CD109: variants seen among roughly 807,000 people sequenced by gnomAD.
The protein encoded by CD109 is CD109 antigen.
Under a neutral mutation model 165.8 loss-of-function variants are expected in CD109, and 149 were observed. That is an observed-to-expected ratio of 0.90 (90% CI 0.79 to 1.03). The LOEUF (loss-of-function observed/expected upper bound fraction) is 1.03. Among genes scored for constraint, CD109 ranks in the 50% least tolerant of loss-of-function variants. The pLI is 0.00. For missense variants in CD109, 1,712 were observed against 1,677.8 expected (o/e 1.02, Z -0.36); for synonymous variants, 585 against 592.1 (o/e 0.99, Z 0.18).
the CD109 span, among the ~76,000 whole-genome samples, chr6:73,679,628 G>T: frequency 4.5e-4 from 68 of 149,518 alleles, no homozygotes; most frequent in Admixed American, 2.1e-3. Flanking sequence ...TTTCTTTTCT[G>T]TTTTTTTTTG....
intron 7 of CD109, among the ~76,000 whole-genome samples, chr6:73,759,942 T>A (rs1275606053): frequency 6.6e-6 from 1 of 152,162 alleles, no homozygotes; most frequent in South Asian, 2.1e-4. Flanking sequence ...ATTTTAAGAT[T>A]TGCTTTTGAG....
chr6:73,701,221 T>C (rs1771065938), intron 2 of CD109, among the ~76,000 whole-genome samples: 1 of 151,996 alleles, frequency 6.6e-6, no homozygotes, highest in Non-Finnish European at 1.5e-5. Flanking sequence ...ATTCAAAAGA[T>C]TGCTTGTCAC....
intron 21 of CD109, 101 bp from the exon 22 acceptor site, chr6:73,788,367 C>G: frequency 1.0e-6 from 1 of 980,810 alleles, no homozygotes; most frequent in East Asian, 2.7e-5. Context: ...ACACACAAAC[C>G]TCAGACACAA....
intron 1 of CD109, 47 bp downstream of exon 1, chr6:73,696,336 C>T: frequency 7.3e-7 from 1 of 1,371,134 alleles, no homozygotes; most frequent in African/African-American, 1.5e-5. Flanking sequence ...CGGGCCTGGG[C>T]CGCTCTGCGG....
chr6:73,757,079 C>G (rs959905166), intron 6 of CD109, among the ~76,000 whole-genome samples: 7 of 152,166 alleles, frequency 4.6e-5, no homozygotes, highest in Non-Finnish European at 1.0e-4. Flanking sequence ...TTGCAGGTGC[C>G]ATACTTACAA....
chr6:73,801,591 T>G (rs1775362285), intron 23 of CD109, among the ~76,000 whole-genome samples: 1 of 152,228 alleles, frequency 6.6e-6, no homozygotes. Flanking sequence ...ATCAGATACT[T>G]AAATCTAGGG....
chr6:73,720,947 C>T (rs982501963), intron 2 of CD109, among the ~76,000 whole-genome samples: 2 of 152,150 alleles, frequency 1.3e-5, no homozygotes, highest in African/African-American at 4.8e-5. Context: ...GCTCTTTTGC[C>T]TGTAACATTG....
At chr6:73,732,280 A>G (rs1170563708) in intron 4 of CD109, among the ~76,000 whole-genome samples, 1 of 152,200 alleles carries the variant, frequency 6.6e-6, no homozygotes, top group African/African-American at 2.4e-5. Flanking sequence ...TTGTTGTTAT[A>G]AATTAAAACA....
chr6:73,746,130 C>T (rs148589245), intron 5 of CD109, among the ~76,000 whole-genome samples: 1 of 152,196 alleles, frequency 6.6e-6, no homozygotes. Flanking sequence ...ACGCAGTGCA[C>T]CCAGTGGTTA....
At chr6:73,782,568 C>G (rs1283587910) in intron 17 of CD109, 46 bp from the exon 18 acceptor site, 1 of 1,566,534 alleles carries the variant, frequency 6.4e-7, no homozygotes, top group Admixed American at 1.7e-5. Context: ...ACAATTCATT[C>G]TCTCCAGTGA....
At chr6:73,734,369 G>T (rs146284633) in intron 4 of CD109, among the ~76,000 whole-genome samples, 3 of 152,074 alleles carry the variant, frequency 2.0e-5, no homozygotes, top group South Asian at 2.1e-4. Context: ...TACACTTCAG[G>T]TAACACCAAG....
intron 2 of CD109, among the ~76,000 whole-genome samples, chr6:73,709,287 G>A (rs1190233262): frequency 6.6e-6 from 1 of 152,104 alleles, no homozygotes; most frequent in African/African-American, 2.4e-5. Flanking sequence ...TTTGTGTCAG[G>A]TTTGTCAAAG....
intron 10 of CD109, among the ~76,000 whole-genome samples, chr6:73,765,362 G>A (rs1773794430): frequency 6.6e-6 from 1 of 151,318 alleles, no homozygotes; most frequent in Admixed American, 6.6e-5. Context: ...TGGGGAGAGG[G>A]AGGGAAAATT....
chr6:73,813,751 G>C (rs903285275), intron 29 of CD109, among the ~76,000 whole-genome samples: 2 of 152,100 alleles, frequency 1.3e-5, no homozygotes, highest in Non-Finnish European at 2.9e-5. Context: ...GAGCAGTTGA[G>C]CTTTATTGCC....
Position 73,815,114 on chromosome 6 carries a change from T to C in CD109, c.3902T>C (p.Val1301Ala). The C allele has an allele frequency of 6.3e-7, 1 of 1,586,440 alleles. No homozygotes were observed. Among genetic ancestry groups the C allele is most frequent in the Middle Eastern group, 1.7e-4 (1 of 5,986 alleles). Residue 1301 changes from valine (V) to alanine (A), a missense_variant, in exon 30 of 33, where the codon GTG becomes GCG. Transcript: ENST00000287097. ...KDDLNHVDLNVCTSFSGPGRS... is the reference protein window; with the variant it reads ...KDDLNHVDLNACTSFSGPGRS... ...GATCTCAATCATGTGGATTTGAATG[T>C]GTGTACAAGGTAAGTGTCTGCTTAG...
chr6:73,697,166 C>G (rs1311612533), intron 1 of CD109, among the ~76,000 whole-genome samples: 1 of 152,166 alleles, frequency 6.6e-6, no homozygotes, highest in South Asian at 2.1e-4. Flanking sequence ...ATAACACAGG[C>G]CTTCCTCTAG....
At position 73,736,502 on chromosome 6, in the gene CD109, A is replaced by T. The variant is rs776870550; in HGVS notation, c.627A>T (p.Gln209His). ...PILGDWSIQV[Q>H]VNDQTYYQSF... Reference sequence around the variant, plus strand: ...TTGGTGACTGGTCTATTCAAGTTCAAGTGAATGTGAGTATAAATATATTTT... The same window carrying T: ...TTGGTGACTGGTCTATTCAAGTTCATGTGAATGTGAGTATAAATATATTTT... Residue 209 changes from glutamine (Q) to histidine (H), a missense_variant, in exon 5 of 33, where the codon CAA (glutamine) becomes CAT (histidine). Physicochemically the swap from Gln to His is conservative, Grantham distance 24. Coordinates refer to ENST00000287097, the MANE Select transcript of CD109 (RefSeq NM_133493.5). 34 of 1,609,476 alleles carry T rather than the reference A, an allele frequency of 2.1e-5. No individual in the cohort carries two copies. The highest frequency in any genetic ancestry group is 2.7e-5 in the Non-Finnish European group (32 of 1,178,326).
At chr6:73,743,971 A>G (rs1006256959) in intron 5 of CD109, among the ~76,000 whole-genome samples, 2 of 152,244 alleles carry the variant, frequency 1.3e-5, no homozygotes, top group Non-Finnish European at 2.9e-5. Context: ...CCATTCTTCC[A>G]AAGGCCCCGA....
chr6:73,827,924 T>C lies in CD109; in HGVS notation c.*4291T>C, dbSNP rs1346695599. ...CAAGATTTACCACGTTTGCCCAGTG[T>C]ATTGAATTGGTGGTAGAAGGTAGTT... On this transcript the variant is annotated 3_prime_UTR_variant, in exon 33 of 33. Transcript: ENST00000287097. 6.5e-6 allele frequency: 1 copy of C among 154,784 alleles called. No homozygotes were observed. Among genetic ancestry groups the C allele is most frequent in the Non-Finnish European group, 1.5e-5 (1 of 68,210 alleles). The allele number at this position is 154,784 out of a possible 1,614,324, so 9.6% of individuals were successfully genotyped here. A position where few individuals can be genotyped will look rare whatever the true frequency, so the allele number is the denominator to read the frequency against.
Sources: gnomAD v4.1 joint callset for allele counts (sites outside exome capture counted in the v4.1 genomes callset) on GRCh38, gnomAD v4.1.1 for gene constraint, MANE v1.5 for transcripts, NCBI Gene and HGNC (gene_info 2026-07-23, HGNC 2026-07-21) for gene names.